IRGM: variants seen among roughly 807,000 people sequenced by gnomAD.
The protein encoded by IRGM is immunity related GTPase M, also known as immunity-related GTPase family M protein.
For missense variants in IRGM, 288 were observed against 219.9 expected (o/e 1.31, Z -1.96); for synonymous variants, 98 against 80.6 (o/e 1.22, Z -1.16).
At chr5:150,851,911 G>A (rs1753983326), downstream of IRGM, among the ~76,000 whole-genome samples, 1 of 152,170 alleles carries the variant, frequency 6.6e-6, no homozygotes. Flanking sequence ...CTAATGGAAT[G>A]TAAAAAGCTC....
intron 3 of IRGM, chr5:150,898,008 CAT>C (rs770301774): frequency 2.5e-6 from 4 of 1,574,424 alleles, no homozygotes; most frequent in Admixed American, 1.8e-5. Flanking sequence ...AGGATAGAAA[CAT>C]AAACCTCAGG....
intron 1 of IRGM, among the ~76,000 whole-genome samples, chr5:150,871,968 T>C (rs1754289144): frequency 6.6e-6 from 1 of 152,200 alleles, no homozygotes; most frequent in Non-Finnish European, 1.5e-5. Context: ...ATTTTTGTAA[T>C]TTTATGTTTG....
In IRGM at chr5:150,848,012, A is replaced by C. The variant is rs1469291196; in HGVS notation, c.-112A>C. On this transcript the variant is annotated 5_prime_UTR_variant, in exon 2 of 2. Coordinates refer to ENST00000522154, the MANE Select transcript of IRGM (RefSeq NM_001145805.2). ...TAGAGAAGGTTTCACGATGTTGGCC[A>C]GGATGGTCTCAATCTCCTGACCTCG... The C allele has an allele frequency of 8.8e-6, 7 of 794,010 alleles. No individual in the cohort carries two copies. The Admixed American group carries it at 2.0e-4, about 23-fold the overall frequency. The allele number at this position is 794,010 out of a possible 1,614,324, so 49.2% of individuals were successfully genotyped here.
At chr5:150,895,342 T>G (rs750726255) in intron 3 of IRGM, 68 of 1,126,234 alleles carry the variant, frequency 6.0e-5, no homozygotes, top group Admixed American at 1.1e-4. Flanking sequence ...TGGGATGTTG[T>G]CCCCAAGCTT....
intron 2 of IRGM, among the ~76,000 whole-genome samples, chr5:150,879,122 T>C (rs1754408582): frequency 1.3e-5 from 2 of 152,150 alleles, no homozygotes; most frequent in African/African-American, 4.8e-5. Flanking sequence ...AAAATGCTGA[T>C]GGTAGCTGAG....
At chr5:150,861,609 T>C (rs1754136997) in intron 1 of IRGM, among the ~76,000 whole-genome samples, 1 of 152,144 alleles carries the variant, frequency 6.6e-6, no homozygotes, top group Admixed American at 6.6e-5. Flanking sequence ...TCATTGGATG[T>C]TGGGAGTGGA....
intron 3 of IRGM, chr5:150,896,204 T>C: frequency 6.2e-7 from 1 of 1,613,648 alleles, no homozygotes. Flanking sequence ...CAGTGTGAAC[T>C]CTCTGATGTA....
downstream of IRGM, among the ~76,000 whole-genome samples, chr5:150,902,151 T>A (rs930115254): frequency 6.6e-6 from 1 of 152,150 alleles, no homozygotes; most frequent in Admixed American, 6.5e-5. Flanking sequence ...TTATATAATT[T>A]TAAATGTTTA....
At chr5:150,866,576 C>G (rs147368220) in intron 1 of IRGM, among the ~76,000 whole-genome samples, 45 of 152,016 alleles carry the variant, frequency 3.0e-4, no homozygotes, top group African/African-American at 1.1e-3. Flanking sequence ...TGACAAAAAT[C>G]AATAAAAAGG....
At chr5:150,859,844 G>T (rs1754111339) in intron 1 of IRGM, among the ~76,000 whole-genome samples, 1 of 151,906 alleles carries the variant, frequency 6.6e-6, no homozygotes, top group Admixed American at 6.6e-5. Context: ...CTTGCTAGCG[G>T]TCTATCAATT....
intron 3 of IRGM, chr5:150,898,192 A>T: frequency 6.2e-7 from 1 of 1,612,272 alleles, no homozygotes; most frequent in Non-Finnish European, 8.5e-7. Context: ...ACCCTATTAA[A>T]CAGAAATCAC....
At chr5:150,867,224 A>G (rs1383794192) in intron 1 of IRGM, among the ~76,000 whole-genome samples, 1 of 152,182 alleles carries the variant, frequency 6.6e-6, no homozygotes, top group African/African-American at 2.4e-5. Flanking sequence ...ACTGCCACTT[A>G]TAAGTGAGAA....
chr5:150,895,723 A>C (rs1314468941), intron 3 of IRGM: 3 of 1,613,464 alleles, frequency 1.9e-6, no homozygotes, highest in Non-Finnish European at 2.5e-6. Context: ...ATGAGATGTG[A>C]CTTCTGGCAG....
Position 150,896,278 on chromosome 5 carries a change from C to T in IRGM, c.*141-4311C>T, listed in dbSNP as rs1180865407. The T allele has an allele frequency of 6.8e-6, 11 of 1,613,678 alleles. No homozygotes were observed. The highest frequency in any genetic ancestry group is 9.3e-6 in the Non-Finnish European group (11 of 1,179,794). On this transcript the variant is annotated intron_variant and NMD_transcript_variant, in intron 3 of 3. Coordinates refer to the IRGM transcript ENST00000520549. ...TCAGAACAATCATAAGGTTTCTCCC[C>T]AGTATGAGTTCTCTGATGTACAACA...
chr5:150,884,148 AT>A (rs1754483035), intron 3 of IRGM, among the ~76,000 whole-genome samples: 1 of 152,210 alleles, frequency 6.6e-6, no homozygotes, highest in African/African-American at 2.4e-5. Flanking sequence ...CAAAAGCCAT[AT>A]TATCATATCA....
At chr5:150,873,515 C>G (rs1287003778) in intron 1 of IRGM, among the ~76,000 whole-genome samples, 1 of 152,208 alleles carries the variant, frequency 6.6e-6, no homozygotes, top group Non-Finnish European at 1.5e-5. Context: ...ATTTTGAGGA[C>G]TACTGGACAC....
chr5:150,888,350 A>G (rs1754556470), intron 3 of IRGM, among the ~76,000 whole-genome samples: 6 of 152,068 alleles, frequency 3.9e-5, no homozygotes, highest in Admixed American at 3.3e-4. Flanking sequence ...CCCACATAAT[A>G]AAAGTGGGAG....
chr5:150,886,238 T>TC (rs1298833544), intron 3 of IRGM, among the ~76,000 whole-genome samples: 1 of 151,938 alleles, frequency 6.6e-6, no homozygotes, highest in African/African-American at 2.4e-5. Context: ...CAAACTCACA[T>TC]CCCAGGAATG....
chr5:150,877,213 T>G (rs1754377811), intron 1 of IRGM, among the ~76,000 whole-genome samples: 1 of 152,178 alleles, frequency 6.6e-6, no homozygotes, highest in Admixed American at 6.5e-5. Flanking sequence ...TGCAGAGTAT[T>G]GTTCCTGGGT....
Sources: allele counts gnomAD v4.1 joint callset (sites outside exome capture counted in the v4.1 genomes callset), GRCh38; gene constraint gnomAD v4.1.1; transcripts MANE v1.5; gene names NCBI Gene and HGNC (gene_info 2026-07-23, HGNC 2026-07-21).